ZNF385B: variants seen among roughly 807,000 people sequenced by gnomAD.
ZNF385B encodes zinc finger protein 385B.
In ZNF385B, 23 loss-of-function variants were observed where a neutral mutation model predicts 39.2. The observed-to-expected ratio is 0.59, with a 90% CI of 0.42 to 0.83. The LOEUF (loss-of-function observed/expected upper bound fraction) is 0.83. Ranked by LOEUF, ZNF385B falls within the 40% of genes least tolerant of loss-of-function variation. The probability of loss-of-function intolerance (pLI) is 0.00; values close to 1 mark genes in which losing one functional copy is unlikely to be tolerated. For synonymous variants in ZNF385B, 205 were observed against 222.6 expected, an observed-to-expected ratio of 0.92 and a Z score of 0.70; for missense variants, 552 against 598.9, an observed-to-expected ratio of 0.92 and a Z score of 0.82.
At chr2:179,580,598 G>C (rs1182418661) in intron 3 of ZNF385B, among the ~76,000 whole-genome samples, 2 of 152,114 alleles carry the variant, frequency 1.3e-5, no homozygotes, top group African/African-American at 2.4e-5. Context: ...ATCTAATAGG[G>C]CTAGTTCCCT....
intron 3 of ZNF385B, among the ~76,000 whole-genome samples, chr2:179,714,707 A>G (rs1700206678): frequency 1.3e-5 from 2 of 151,904 alleles, no homozygotes; most frequent in South Asian, 4.2e-4. Flanking sequence ...GCACTTTGGG[A>G]GGGGGAGGCG....
intron 3 of ZNF385B, among the ~76,000 whole-genome samples, chr2:179,698,163 T>G (rs1272381824): frequency 7.8e-6 from 1 of 128,560 alleles, no homozygotes; most frequent in Non-Finnish European, 1.7e-5. Flanking sequence ...ACATGTACTG[T>G]AGAACTTAAA....
At chr2:179,448,878 G>A (rs2049787236) in intron 6 of ZNF385B, among the ~76,000 whole-genome samples, 1 of 152,096 alleles carries the variant, frequency 6.6e-6, no homozygotes, top group Non-Finnish European at 1.5e-5. Flanking sequence ...TTGTAGGTTA[G>A]TTTTTAAAGT....
At chr2:179,830,377 T>A (rs906723439) in intron 1 of ZNF385B, among the ~76,000 whole-genome samples, 1 of 152,204 alleles carries the variant, frequency 6.6e-6, no homozygotes, top group Non-Finnish European at 1.5e-5. Context: ...CTCCTGGATA[T>A]TTACTTAAAT....
intron 3 of ZNF385B, among the ~76,000 whole-genome samples, chr2:179,705,901 G>A (rs370562757): frequency 6.6e-6 from 1 of 152,136 alleles, no homozygotes; most frequent in Non-Finnish European, 1.5e-5. Flanking sequence ...CTATAGTTTG[G>A]TGACCACTGA....
intron 4 of ZNF385B, among the ~76,000 whole-genome samples, chr2:179,527,439 A>C (rs1246938225): frequency 6.6e-6 from 1 of 152,188 alleles, no homozygotes; most frequent in Admixed American, 6.5e-5. Context: ...ATTGACAGAA[A>C]GGATGACTAA....
chr2:179,832,772 T>C (rs1298071850), intron 1 of ZNF385B, among the ~76,000 whole-genome samples: 2 of 152,182 alleles, frequency 1.3e-5, no homozygotes, highest in African/African-American at 4.8e-5. Context: ...AAATAAGATA[T>C]GCTTAGAGAA....
chr2:179,813,981 T>G (rs1445282112), intron 1 of ZNF385B, among the ~76,000 whole-genome samples: 1 of 152,220 alleles, frequency 6.6e-6, no homozygotes, highest in Admixed American at 6.5e-5. Flanking sequence ...AGTAAAATAA[T>G]GAATATATAA....
intron 3 of ZNF385B, among the ~76,000 whole-genome samples, chr2:179,575,855 T>C (rs1685752664): frequency 1.3e-5 from 2 of 152,134 alleles, no homozygotes; most frequent in African/African-American, 4.8e-5. Flanking sequence ...GCTGGTATAA[T>C]GCCCATGGGA....
chr2:179,493,789 G>GTATATGCATATATT (rs1553572807), intron 5 of ZNF385B, among the ~76,000 whole-genome samples: 4 of 113,252 alleles, frequency 3.5e-5, no homozygotes, highest in Admixed American at 1.7e-4. Flanking sequence ...ATACACATAT[G>GTATATGCATATATT]TATACATATA....
intron 6 of ZNF385B, among the ~76,000 whole-genome samples, chr2:179,460,709 A>G (rs994396369): frequency 1.3e-5 from 2 of 152,162 alleles, no homozygotes; most frequent in Non-Finnish European, 2.9e-5. Context: ...TCATGACTCA[A>G]CCAGTCCTGT....
chr2:179,725,867 A>G (rs1422023632), intron 3 of ZNF385B, among the ~76,000 whole-genome samples: 1 of 149,352 alleles, frequency 6.7e-6, no homozygotes, highest in Non-Finnish European at 1.5e-5. Flanking sequence ...TATATCTCAT[A>G]TATACATACA....
intron 3 of ZNF385B, among the ~76,000 whole-genome samples, chr2:179,670,988 A>C (rs1192621528): frequency 2.0e-5 from 3 of 152,334 alleles, no homozygotes; most frequent in Admixed American, 6.5e-5. Flanking sequence ...ATGGAATGTG[A>C]TGATAATGGC....
intron 3 of ZNF385B, among the ~76,000 whole-genome samples, chr2:179,744,395 A>G (rs966844571): frequency 2.0e-5 from 3 of 151,962 alleles, no homozygotes; most frequent in Non-Finnish European, 2.9e-5. Flanking sequence ...GCAGTGAACC[A>G]TAAATTGACC....
At chr2:179,445,112 A>G (rs1001963440) in intron 8 of ZNF385B, 135 bp from the exon 9 acceptor site, 2 of 741,474 alleles carry the variant, frequency 2.7e-6, no homozygotes, top group Non-Finnish European at 4.7e-6. Flanking sequence ...AATCATTATG[A>G]TTTCTAAATT....
intron 3 of ZNF385B, among the ~76,000 whole-genome samples, chr2:179,556,252 C>T (rs1176435939): frequency 6.7e-6 from 1 of 149,372 alleles, no homozygotes; most frequent in Non-Finnish European, 1.5e-5. Context: ...ATAGTTTCGT[C>T]AAACATGTGA....
intron 5 of ZNF385B, among the ~76,000 whole-genome samples, chr2:179,493,789 G>A (rs865847616): frequency 1.8e-5 from 2 of 113,250 alleles, no homozygotes; most frequent in South Asian, 2.9e-4. Flanking sequence ...ATACACATAT[G>A]TATACATATA....
intron 3 of ZNF385B, among the ~76,000 whole-genome samples, chr2:179,669,470 C>A (rs1695623832): frequency 1.3e-5 from 2 of 152,162 alleles, no homozygotes; most frequent in South Asian, 4.1e-4. Flanking sequence ...TTTTTTAAGT[C>A]TCCAGATGAT....
chr2:179,822,497 C>T (rs547652009), intron 1 of ZNF385B, among the ~76,000 whole-genome samples: 1 of 152,112 alleles, frequency 6.6e-6, no homozygotes, highest in South Asian at 2.1e-4. Context: ...CAACATAGAC[C>T]TTGGTGGTCA....
Sources: allele counts gnomAD v4.1 joint callset (sites outside exome capture counted in the v4.1 genomes callset), GRCh38; gene constraint gnomAD v4.1.1; transcripts MANE v1.5; gene names NCBI Gene and HGNC (gene_info 2026-07-23, HGNC 2026-07-21).